Variants in PPIL1 observed in about 807,000 individuals in gnomAD.
The protein encoded by PPIL1 is peptidylprolyl isomerase like 1, also known as peptidyl-prolyl cis-trans isomerase-like 1.
In PPIL1, 14 loss-of-function variants were observed where a neutral mutation model predicts 19.4. The ratio of observed to expected loss-of-function variants is 0.72; its 90% CI spans 0.48 to 1.13. The LOEUF is 1.13. PPIL1 is among the 50% of genes most tolerant of loss of function. PPIL1 has a pLI of 0.00. For missense variants in PPIL1, 192 were observed against 218.0 expected (o/e 0.88, Z 0.75); for synonymous variants, 72 against 73.6 (o/e 0.98, Z 0.11).
At chr6:36,860,892 A>G (rs1774275222) in intron 2 of PPIL1, among the ~76,000 whole-genome samples, 1 of 151,624 alleles carries the variant, frequency 6.6e-6, no homozygotes, top group South Asian at 2.1e-4. Flanking sequence ...GTGGTATTAC[A>G]CTTTATATAT....
chr6:36,858,565 C>CT (rs1450399298), intron 2 of PPIL1: 2 of 152,204 alleles, frequency 1.3e-5, no homozygotes, highest in Non-Finnish European at 2.9e-5. Flanking sequence ...TTTGCTTTAC[C>CT]TTTTAGTCGG....
chr6:36,860,878 A>G (rs779011691), intron 2 of PPIL1, among the ~76,000 whole-genome samples: 1 of 151,620 alleles, frequency 6.6e-6, no homozygotes, highest in Admixed American at 6.6e-5. Context: ...TTAAGCTTAC[A>G]TAAGTGGTAT....
At chr6:36,860,229 G>A (rs1774255073) in intron 2 of PPIL1, among the ~76,000 whole-genome samples, 2 of 152,064 alleles carry the variant, frequency 1.3e-5, no homozygotes, top group South Asian at 2.1e-4. Flanking sequence ...CACTTTGGGA[G>A]GCTGAAGGGG....
intron 2 of PPIL1, among the ~76,000 whole-genome samples, chr6:36,869,792 C>T (rs1374638064): frequency 6.6e-6 from 1 of 152,098 alleles, no homozygotes; most frequent in Non-Finnish European, 1.5e-5. Flanking sequence ...GTACTAATTG[C>T]CTCATCTTTC....
chr6:36,855,970 G>T lies in PPIL1; in HGVS notation c.344C>A (p.Thr115Asn). The change falls in exon 4 of 4, where the codon ACC becomes AAC. Residue 115 changes from threonine (T) to asparagine (N), a missense_variant. Transcript: ENST00000373699. ...PDTNGSQFFV[T>N]LAPTQWLDGK... ...GTCAAGCCACTGGGTGGGGGCGAGG[G>T]TCACAAAGAACTGGCTGCCATTGGT... 1.2e-6 allele frequency: 2 copies of T among 1,614,216 alleles called. No individual in the cohort carries two copies.
rs372513833 is a variant in PPIL1, at chr6:36,860,490, G to A, written c.212-3836C>T. ...TCTTCTGTCCTCTGTCCTCTCTTGG[G>A]ATCATTTATTCAATGTATTTATTTC... On this transcript the variant is annotated intron_variant, in intron 2 of 3. Transcript: ENST00000373699. Among the ~76,000 whole-genome samples the A allele has an allele frequency of 2.6e-5, 4 of 152,044 alleles. No individual in the cohort carries two copies. The East Asian group carries it at 5.8e-4, about 22-fold the overall frequency.
intron 3 of PPIL1, 70 bp from the exon 4 acceptor site, chr6:36,856,103 A>C (rs953888780): frequency 9.4e-6 from 14 of 1,487,918 alleles, no homozygotes; most frequent in Non-Finnish European, 1.3e-5. Context: ...CTGCTGCCCC[A>C]TCCTAGGGAT....
chr6:36,860,684 T>C (rs1774267054), intron 2 of PPIL1, among the ~76,000 whole-genome samples: 1 of 151,906 alleles, frequency 6.6e-6, no homozygotes, highest in South Asian at 2.1e-4. Context: ...AATCACATTT[T>C]CCTCTCAGGT....
intron 2 of PPIL1, among the ~76,000 whole-genome samples, chr6:36,862,223 T>C (rs953867561): frequency 1.6e-5 from 2 of 125,916 alleles, no homozygotes; most frequent in Non-Finnish European, 3.2e-5. Flanking sequence ...GCCCCACAGA[T>C]GGGCAGTGGC....
At chr6:36,872,140 A>T (rs1369543801) in intron 1 of PPIL1, among the ~76,000 whole-genome samples, 1 of 152,100 alleles carries the variant, frequency 6.6e-6, no homozygotes, top group East Asian at 1.9e-4. Context: ...AATACTATAC[A>T]TATATACATA....
intron 2 of PPIL1, among the ~76,000 whole-genome samples, chr6:36,857,994 C>T (rs1774202049): frequency 6.6e-6 from 1 of 151,902 alleles, no homozygotes; most frequent in Non-Finnish European, 1.5e-5. Flanking sequence ...CGTTGGAAGG[C>T]CAAGGCAGGT....
chr6:36,874,702 C>G lies in PPIL1; in HGVS notation c.56+15G>C, dbSNP rs202058478. 41 of 1,613,736 alleles carry G rather than the reference C, an allele frequency of 2.5e-5. No individual in the cohort carries two copies. ...GCGTCTCCTCTGCCAGCCCCAGACG[C>G]CCGAACCCCCTCACCTGGTCTCCAA... On this transcript the variant is annotated intron_variant, in intron 1 of 3. Transcript: ENST00000373699.
intron 2 of PPIL1, among the ~76,000 whole-genome samples, chr6:36,866,311 C>T (rs1169948384): frequency 5.9e-5 from 9 of 152,146 alleles, no homozygotes; most frequent in Non-Finnish European, 1.3e-4. Flanking sequence ...AATGGTTCCA[C>T]AGTAGTCAGA....
chr6:36,873,731 A>G (rs1042666224), intron 1 of PPIL1, among the ~76,000 whole-genome samples: 3 of 152,208 alleles, frequency 2.0e-5, no homozygotes, highest in Non-Finnish European at 4.4e-5. Flanking sequence ...GAGCAAATAG[A>G]GAGAGGACTG....
intron 3 of PPIL1, 27 bp from the exon 4 acceptor site, chr6:36,856,060 G>C: frequency 6.2e-7 from 1 of 1,603,460 alleles, no homozygotes; most frequent in Non-Finnish European, 8.5e-7. Flanking sequence ...AGAAAGGAAA[G>C]AGTATAAATA....
intron 2 of PPIL1, among the ~76,000 whole-genome samples, chr6:36,860,213 T>C (rs887282657): frequency 3.9e-5 from 6 of 151,994 alleles, no homozygotes; most frequent in African/African-American, 1.4e-4. Context: ...ACACCTATAA[T>C]CCCAACACTT....
At position 36,855,807 on chromosome 6, in the gene PPIL1, G is replaced by C. The variant is rs377723904; in HGVS notation, c.*6C>G. 1.2e-5 allele frequency: 20 copies of C among 1,613,762 alleles called. No individual in the cohort carries two copies. The highest frequency in any genetic ancestry group is 1.7e-5 in the Non-Finnish European group (20 of 1,179,676). ...CTCAGAAGAGCTGCTCAAGAGGGTAGCAAGTCTACCCAGAAGGGTATGCCT... is the reference window on the plus strand; with the variant it reads ...CTCAGAAGAGCTGCTCAAGAGGGTACCAAGTCTACCCAGAAGGGTATGCCT... On this transcript the variant is annotated 3_prime_UTR_variant, in exon 4 of 4. Transcript: ENST00000373699.
chr6:36,872,750 G>A (rs1180784399), intron 1 of PPIL1, among the ~76,000 whole-genome samples: 1 of 152,182 alleles, frequency 6.6e-6, no homozygotes, highest in African/African-American at 2.4e-5. Flanking sequence ...TGGGACTACA[G>A]GCATGCATCA....
intron 2 of PPIL1, 97 bp from the exon 3 acceptor site, chr6:36,856,751 G>A: frequency 8.3e-7 from 1 of 1,203,450 alleles, no homozygotes. Context: ...TCAGAGTAGA[G>A]GAAAGGAAAA....
Sources: allele counts gnomAD v4.1 joint callset (sites outside exome capture counted in the v4.1 genomes callset), GRCh38; gene constraint gnomAD v4.1.1; transcripts MANE v1.5; gene names NCBI Gene and HGNC (gene_info 2026-07-23, HGNC 2026-07-21).